The following SURF4 variants were observed in gnomAD, a reference collection of about 807,000 sequenced individuals.
The protein encoded by SURF4 is surfeit locus protein 4.
Under a neutral mutation model 30.0 loss-of-function variants are expected in SURF4, and 3 were observed. The ratio of observed to expected loss-of-function variants is 0.10; its 90% CI spans 0.05 to 0.26. The LOEUF (loss-of-function observed/expected upper bound fraction) is 0.26. SURF4 is among the 10% of genes least tolerant of loss of function. The pLI is 1.00. For missense variants in SURF4, 217 were observed against 350.8 expected, an observed-to-expected ratio of 0.62 and a Z score of 3.05; for synonymous variants, 143 against 139.9, an observed-to-expected ratio of 1.02 and a Z score of -0.16.
chr9:133,366,049 G>A (rs2130122912), intron 3 of SURF4, 21 bp from the exon 4 acceptor site: 6 of 1,613,358 alleles, frequency 3.7e-6, no homozygotes, highest in South Asian at 1.1e-5. Context: ...AGAAGAGAGA[G>A]ATACTTGAGT....
At chr9:133,375,382 A>T in intron 1 of SURF4, 1 of 985,720 alleles carries the variant, frequency 1.0e-6, no homozygotes, top group Non-Finnish European at 1.2e-6. Context: ...CCAAGAGTCC[A>T]GCACATCTGG....
At chr9:133,366,876 A>C (rs2119136522) in intron 2 of SURF4, among the ~76,000 whole-genome samples, 1 of 152,312 alleles carries the variant, frequency 6.6e-6, no homozygotes, top group African/African-American at 2.4e-5. Flanking sequence ...AAACACCAGA[A>C]AGTGGAGCCC....
chr9:133,365,170 C>A, intron 4 of SURF4, 144 bp from the exon 5 acceptor site: 3 of 742,036 alleles, frequency 4.0e-6, no homozygotes, highest in Non-Finnish European at 4.2e-6. Context: ...CAAGCAGGAC[C>A]AGGCAGGCAT....
chr9:133,369,035 A>G (rs1420388008), intron 1 of SURF4, among the ~76,000 whole-genome samples: 1 of 152,240 alleles, frequency 6.6e-6, no homozygotes, highest in African/African-American at 2.4e-5. Context: ...AGTCCTAGAC[A>G]CTGCTGAAGC....
At chr9:133,375,397 G>A (rs926737698) in intron 1 of SURF4, 9 of 985,562 alleles carry the variant, frequency 9.1e-6, no homozygotes, top group Non-Finnish European at 1.1e-5. Flanking sequence ...ATCTGGGAAA[G>A]AGAAAAGGAA....
In SURF4 at chr9:133,366,620, G is replaced by A. The variant is rs2130129132; in HGVS notation, c.291C>T (p.Leu97=). 5.6e-6 allele frequency: 9 copies of A among 1,613,888 alleles called. No individual in the cohort carries two copies. The highest frequency in any genetic ancestry group is 7.6e-6 in the Non-Finnish European group (9 of 1,180,018). The change falls in exon 3 of 6, where the codon CTC becomes CTT. Residue 97 remains leucine (L), a synonymous_variant. Coordinates refer to ENST00000371989, the MANE Select transcript of SURF4 (RefSeq NM_033161.4). ...RNFVQYACFG[L]FGIIALQTIA... ...GTACCTGCAGAGCTATGATTCCAAAGAGCCCGAAGCAGGCGTACTGCACGA... is the reference window on the plus strand; with the variant it reads ...GTACCTGCAGAGCTATGATTCCAAAAAGCCCGAAGCAGGCGTACTGCACGA...
At chr9:133,374,114 C>T (rs2130220208) in intron 1 of SURF4, among the ~76,000 whole-genome samples, 10 of 152,100 alleles carry the variant, frequency 6.6e-5, no homozygotes, top group African/African-American at 2.4e-4. Flanking sequence ...CTCATCCTTC[C>T]CTCAGCTATG....
chr9:133,364,000 G>A lies in SURF4; in HGVS notation c.544-241C>T, dbSNP rs1837004910. The A allele has an allele frequency of 5.7e-6, 4 of 704,254 alleles. No individual in the cohort carries two copies. The highest frequency in any genetic ancestry group is 7.9e-6 in the Non-Finnish European group (3 of 381,168). The allele number at this position is 704,254 out of a possible 1,614,324, so 43.6% of individuals were successfully genotyped here. A position where few individuals can be genotyped will look rare whatever the true frequency, so the allele number is the denominator to read the frequency against. On this transcript the variant is annotated intron_variant, in intron 5 of 5. Coordinates refer to ENST00000371989, the MANE Select transcript of SURF4 (RefSeq NM_033161.4). This position sits in a 1 kb window ranked among gnomAD's most constrained non-coding sequence, Gnocchi z 4.3. ...GACTGAAGTTCCCAACTAGTAACAG[G>A]CTGTGATTTACCAAGATGAATCTCT...
At chr9:133,366,174 A>T (rs1210245818) in intron 3 of SURF4, 146 bp from the exon 4 acceptor site, 5 of 751,222 alleles carry the variant, frequency 6.7e-6, no homozygotes, top group African/African-American at 1.8e-5. Context: ...GACAGATCTA[A>T]GCTCAAAAAT....
At chr9:133,370,509 G>T (rs1173890990) in intron 1 of SURF4, among the ~76,000 whole-genome samples, 2 of 152,264 alleles carry the variant, frequency 1.3e-5, no homozygotes, top group Non-Finnish European at 2.9e-5. Context: ...AAAAAGCCAC[G>T]TTTAAAGACA....
intron 1 of SURF4, among the ~76,000 whole-genome samples, 178 bp downstream of exon 1, chr9:133,375,744 A>T (rs936997307): frequency 6.6e-5 from 10 of 151,776 alleles, no homozygotes; most frequent in Non-Finnish European, 1.2e-4. Flanking sequence ...CTGGGCCCGG[A>T]GGCCGGGTTT....
rs2130091194 is a variant in SURF4, at chr9:133,363,709, A to G, written c.594T>C (p.Gly198=). The change falls in exon 6 of 6, where the codon GGT becomes GGC. Residue 198 remains glycine (G), a synonymous_variant. Coordinates refer to ENST00000371989, the MANE Select transcript of SURF4 (RefSeq NM_033161.4). The surrounding 1 kb of genome is among the most constrained non-coding windows in gnomAD (Gnocchi z 4.3). Reference sequence around the variant, plus strand: ...TCAAAGCAGCCAGCTTGGTTTTAAAACCAATGGCCACTAAAATCATCAGAG... The same window carrying G: ...TCAAAGCAGCCAGCTTGGTTTTAAAGCCAATGGCCACTAAAATCATCAGAG... The part of the protein sequence containing the change: ...GTALMILVAI[G]FKTKLAALTL... 2.4e-5 allele frequency: 39 copies of G among 1,614,206 alleles called. No homozygotes were observed. In the African/African-American group the frequency reaches 3.6e-4, roughly 15 times the overall value.
rs587691001 is a variant in SURF4 at position 133,362,103 on chromosome 9, T to G, written c.*1390A>C. The G allele has an allele frequency of 6.6e-6, 1 of 152,216 alleles. No individual in the cohort carries two copies. Among genetic ancestry groups the G allele is most frequent in the Non-Finnish European group, 1.5e-5 (1 of 68,046 alleles). The allele number at this position is 152,216 out of a possible 1,614,324, so 9.4% of individuals were successfully genotyped here. On this transcript the variant is annotated 3_prime_UTR_variant, in exon 6 of 6. Coordinates refer to ENST00000371989, the MANE Select transcript of SURF4 (RefSeq NM_033161.4). The stretch of plus-strand genomic sequence containing the variant: ...GGTAGGTGACTTCCAAAAGCACTTA[T>G]GAGCAGAAACCTGCCTCACCCCTGC...
chr9:133,364,785 G>A, intron 5 of SURF4, 55 bp downstream of exon 5: 1 of 1,582,346 alleles, frequency 6.3e-7, no homozygotes, highest in South Asian at 1.1e-5. Context: ...AGGGGGTGGG[G>A]GAGGGACAGC....
At chr9:133,374,744 C>T (rs1321180395) in intron 1 of SURF4, among the ~76,000 whole-genome samples, 1 of 152,114 alleles carries the variant, frequency 6.6e-6, no homozygotes, top group East Asian at 1.9e-4. Context: ...AGAAAGAGAT[C>T]ACCCCCCAGG....
chr9:133,376,139 G>T (rs987681927), upstream of SURF4: 116 of 1,205,802 alleles, frequency 9.6e-5, no homozygotes, highest in Non-Finnish European at 1.2e-4. Flanking sequence ...GGGGCCGCGC[G>T]CCGCCCGGGC....
At chr9:133,365,401 G>A (rs149554577) in intron 4 of SURF4, among the ~76,000 whole-genome samples, 109 of 152,206 alleles carry the variant, frequency 7.2e-4, no homozygotes, top group African/African-American at 2.3e-3. Flanking sequence ...CAGAAGAGAC[G>A]GCTTCAGTCT....
At chr9:133,377,830 G>C (rs946525594), upstream of SURF4, among the ~76,000 whole-genome samples, 2 of 152,166 alleles carry the variant, frequency 1.3e-5, no homozygotes, top group African/African-American at 2.4e-5. Context: ...AATACATAAT[G>C]AAATAATTAC....
At chr9:133,376,672 A>G (rs2130250461), upstream of SURF4, 5 of 924,596 alleles carry the variant, frequency 5.4e-6, no homozygotes, top group African/African-American at 5.3e-5. Context: ...CGCCCTGGCC[A>G]GTGTCGGCCT....
Sources: gnomAD v4.1 joint callset for allele counts (sites outside exome capture counted in the v4.1 genomes callset) on GRCh38, gnomAD v4.1.1 for gene constraint, Gnocchi (gnomAD v3.1) non-coding constraint, MANE v1.5 for transcripts, NCBI Gene and HGNC (gene_info 2026-07-23, HGNC 2026-07-21) for gene names.